The following NYAP2 variants were observed in gnomAD, a reference collection of about 807,000 sequenced individuals.
NYAP2 encodes the protein neuronal tyrosine-phosphorylated phosphoinositide-3-kinase adapter 2.
In NYAP2, 23 loss-of-function variants were observed where a neutral mutation model predicts 50.4. The ratio of observed to expected loss-of-function variants is 0.46; its 90% CI spans 0.33 to 0.65. The LOEUF (loss-of-function observed/expected upper bound fraction) is 0.65, where lower values mean the gene tolerates loss of function less well. Ranked by LOEUF, NYAP2 falls within the 30% of genes least tolerant of loss-of-function variation. The probability of loss-of-function intolerance (pLI) is 0.02; values close to 1 mark genes in which losing one functional copy is unlikely to be tolerated. For missense variants in NYAP2, 885 were observed against 861.0 expected, an observed-to-expected ratio of 1.03 and a Z score of -0.35; for synonymous variants, 394 against 365.2, an observed-to-expected ratio of 1.08 and a Z score of -0.90.
chr2:225,538,838 CTTTCTTTCT>C lies in NYAP2; in HGVS notation c.523+25169_523+25177del, dbSNP rs1559208722. Among the ~76,000 whole-genome samples the C allele has an allele frequency of 3.8e-3, 207 of 53,852 alleles. 2 individuals are homozygous for C. Among genetic ancestry groups the C allele is most frequent in the Middle Eastern group, 0.018 (2 of 112 alleles). 35.3% of individuals were successfully genotyped at this position (53,852 alleles called of 152,430 possible). A position where few individuals can be genotyped will look rare whatever the true frequency, so the allele number is the denominator to read the frequency against. ...TCTTTCTTTCTTTCTTTCTTTCTTT[CTTTCTTTCT>C]TTGTTTTTATTATTATACTTTAAGT... On this transcript the variant is annotated intron_variant, in intron 4 of 6. Coordinates refer to ENST00000636099, the Ensembl canonical transcript of NYAP2.
chr2:225,628,384 C>CTGGAGTGCAATGGAGCCAAT (rs1559234573), intron 6 of NYAP2, among the ~76,000 whole-genome samples: 1 of 133,286 alleles, frequency 7.5e-6, no homozygotes, highest in Non-Finnish European at 1.5e-5. Flanking sequence ...TGCAATGGTG[C>CTGGAGTGCAATGGAGCCAAT]GATCTTGGCT....
chr2:225,497,270 A>G, intron 3 of NYAP2, among the ~76,000 whole-genome samples: 1 of 152,228 alleles, frequency 6.6e-6, no homozygotes, highest in East Asian at 1.9e-4. Context: ...ATTTGGGTAC[A>G]TTAAGCAGAT....
intron 3 of NYAP2, among the ~76,000 whole-genome samples, chr2:225,464,079 A>T (rs1050180745): frequency 6.6e-6 from 1 of 152,184 alleles, no homozygotes; most frequent in Non-Finnish European, 1.5e-5. Flanking sequence ...ATGCTCTGCC[A>T]AAAGTTCCTT....
At chr2:225,453,836 T>C (rs1689691808) in intron 3 of NYAP2, among the ~76,000 whole-genome samples, 1 of 101,268 alleles carries the variant, frequency 9.9e-6, no homozygotes, top group Non-Finnish European at 1.7e-5. Flanking sequence ...CCCGGCTAAT[T>C]TTTTTTTTTT....
At chr2:225,481,111 A>T (rs1690199565) in intron 3 of NYAP2, among the ~76,000 whole-genome samples, 1 of 152,062 alleles carries the variant, frequency 6.6e-6, no homozygotes, top group Admixed American at 6.6e-5. Flanking sequence ...ATGTAGGATG[A>T]TGACTATTGA....
intron 3 of NYAP2, among the ~76,000 whole-genome samples, chr2:225,484,991 A>G (rs1214379265): frequency 1.3e-5 from 2 of 152,208 alleles, no homozygotes; most frequent in Non-Finnish European, 2.9e-5. Flanking sequence ...AGGCTCTCTG[A>G]GCCTGGCCTA....
chr2:225,670,304 T>A, the NYAP2 span, among the ~76,000 whole-genome samples: 1 of 152,190 alleles, frequency 6.6e-6, no homozygotes, highest in Middle Eastern at 3.4e-3. Flanking sequence ...TTATTAGACC[T>A]GAAAGCAGAA....
intron 6 of NYAP2, among the ~76,000 whole-genome samples, chr2:225,640,984 C>T (rs1693517389): frequency 6.6e-6 from 1 of 152,164 alleles, no homozygotes; most frequent in Admixed American, 6.5e-5. Context: ...TAGGTAGAAA[C>T]CATTGGGATG....
intron 5 of NYAP2, among the ~76,000 whole-genome samples, chr2:225,611,313 T>C (rs1050182038): frequency 6.6e-6 from 1 of 152,136 alleles, no homozygotes; most frequent in East Asian, 1.9e-4. Context: ...GTTTTCCATG[T>C]ATCCCTACAT....
intron 4 of NYAP2, among the ~76,000 whole-genome samples, chr2:225,551,716 G>A (rs1365492456): frequency 6.6e-6 from 1 of 152,166 alleles, no homozygotes; most frequent in Non-Finnish European, 1.5e-5. Flanking sequence ...TGATAAAAAA[G>A]GTATTGGACA....
intron 5 of NYAP2, among the ~76,000 whole-genome samples, chr2:225,618,718 A>G (rs2106252040): frequency 6.6e-6 from 1 of 152,374 alleles, no homozygotes; most frequent in South Asian, 2.1e-4. Context: ...AGAAATGTTG[A>G]GAGCTGCCAG....
chr2:225,579,987 C>T (rs1042941968), intron 4 of NYAP2, among the ~76,000 whole-genome samples: 2 of 152,204 alleles, frequency 1.3e-5, no homozygotes, highest in African/African-American at 4.8e-5. Context: ...TTAACCCTCC[C>T]TTCATAGAGC....
chr2:225,593,319 G>A (rs1013011741), intron 5 of NYAP2, among the ~76,000 whole-genome samples: 26 of 152,154 alleles, frequency 1.7e-4, no homozygotes, highest in African/African-American at 6.0e-4. Flanking sequence ...AATATTAGAT[G>A]CTAAAACTGA....
chr2:225,489,651 C>A (rs1003644837), intron 3 of NYAP2, among the ~76,000 whole-genome samples: 1 of 152,146 alleles, frequency 6.6e-6, no homozygotes, highest in Non-Finnish European at 1.5e-5. Context: ...AAATACCCAA[C>A]TTTCTCTAGT....
intron 4 of NYAP2, among the ~76,000 whole-genome samples, chr2:225,554,671 T>G (rs1171449611): frequency 2.0e-5 from 3 of 151,994 alleles, no homozygotes; most frequent in Non-Finnish European, 4.4e-5. Flanking sequence ...GAGTTGGGAT[T>G]GTAGGGATTG....
chr2:225,650,500 A>C (rs1462158918), intron 6 of NYAP2, among the ~76,000 whole-genome samples: 1 of 152,162 alleles, frequency 6.6e-6, no homozygotes, highest in Non-Finnish European at 1.5e-5. Flanking sequence ...CAAAGACTGG[A>C]TGTGGAGAAC....
chr2:225,628,407 C>A (rs1193634601), intron 6 of NYAP2, among the ~76,000 whole-genome samples: 2 of 150,246 alleles, frequency 1.3e-5, no homozygotes, highest in Admixed American at 6.6e-5. Flanking sequence ...CTGCAACCTC[C>A]GACTCCTGGG....
At chr2:225,661,284 AAAT>A in the NYAP2 span, among the ~76,000 whole-genome samples, 2 of 152,216 alleles carry the variant, frequency 1.3e-5, no homozygotes, top group Non-Finnish European at 2.9e-5. Context: ...TCAGAATAAT[AAAT>A]ATGTCTTTGC....
At chr2:225,605,341 T>C (rs916538010) in intron 5 of NYAP2, among the ~76,000 whole-genome samples, 4 of 152,136 alleles carry the variant, frequency 2.6e-5, no homozygotes, top group Non-Finnish European at 4.4e-5. Context: ...ACTCTTATCT[T>C]TTTTAAAAAA....
Sources: allele counts gnomAD v4.1 joint callset (sites outside exome capture counted in the v4.1 genomes callset), GRCh38; gene constraint gnomAD v4.1.1; transcripts MANE v1.5; gene names NCBI Gene and HGNC (gene_info 2026-07-23, HGNC 2026-07-21).